Variants in GOLGA4 observed in about 807,000 individuals in gnomAD.
GOLGA4 encodes golgin A4.
GOLGA4 carries 169 observed loss-of-function variants against 265.9 expected under a neutral mutation model. The ratio of observed to expected loss-of-function variants is 0.64; its 90% CI spans 0.56 to 0.72. GOLGA4 has a LOEUF of 0.72. Ranked by LOEUF, GOLGA4 falls within the 30% of genes least tolerant of loss-of-function variation. GOLGA4 has a pLI of 0.00. For synonymous variants in GOLGA4, 923 were observed against 855.8 expected, an observed-to-expected ratio of 1.08 and a Z score of -1.37; for missense variants, 2,482 against 2,483.4, an observed-to-expected ratio of 1.00 and a Z score of 0.01.
intron 2 of GOLGA4, among the ~76,000 whole-genome samples, chr3:37,255,941 A>C (rs1243570831): frequency 1.3e-5 from 2 of 152,076 alleles, no homozygotes; most frequent in African/African-American, 2.4e-5. Flanking sequence ...AACAAACAAA[A>C]AAACACTTAA....
At chr3:37,267,003 A>G (rs2096785547) in intron 2 of GOLGA4, 1 of 679,992 alleles carries the variant, frequency 1.5e-6, no homozygotes, top group Non-Finnish European at 2.3e-6. Flanking sequence ...TGGCAATTGT[A>G]GAAGCAAATC....
Position 37,325,861 on chromosome 3 carries a change from G to C in GOLGA4, c.3975G>C (p.Lys1325Asn). ...SLVTEKEALQ[K>N]EGGNQQQAAS... ...TAACAGAAAAAGAAGCCTTACAGAA[G>C]GAAGGAGGCAATCAGCAACAGGCTG... The change falls in exon 14 of 24, where the codon AAG (lysine) becomes AAC (asparagine). Residue 1325 changes from lysine to asparagine, a missense_variant. Physicochemically the swap from Lys to Asn is moderately conservative, Grantham distance 94. Around this residue, in one of 3 missense-constraint regions of GOLGA4, gnomAD observed 1,536 missense variants for 1,483.7 expected, o/e 1.04. Coordinates refer to ENST00000361924, the MANE Select transcript of GOLGA4 (RefSeq NM_002078.5). 6.2e-7 allele frequency: 1 copy of C among 1,613,674 alleles called. No homozygotes were observed. Among genetic ancestry groups the C allele is most frequent in the Non-Finnish European group, 8.5e-7 (1 of 1,179,732 alleles).
chr3:37,278,080 A>G (rs1226986591), intron 2 of GOLGA4, among the ~76,000 whole-genome samples: 9 of 152,252 alleles, frequency 5.9e-5, no homozygotes, highest in African/African-American at 1.9e-4. Context: ...AGAATAAAAT[A>G]ATCTCACTTT....
At chr3:37,354,547 A>G (rs2097085049) in intron 21 of GOLGA4, among the ~76,000 whole-genome samples, 2 of 152,202 alleles carry the variant, frequency 1.3e-5, no homozygotes, top group South Asian at 2.1e-4. Context: ...GTTTCGATTC[A>G]TCATGTTTTC....
intron 10 of GOLGA4, among the ~76,000 whole-genome samples, chr3:37,304,374 A>G (rs1166444908): frequency 1.3e-5 from 2 of 152,194 alleles, no homozygotes; most frequent in African/African-American, 2.4e-5. Context: ...TGGGGAATTT[A>G]GTTAATGAAT....
At chr3:37,351,752 T>A (rs1314186674) in intron 21 of GOLGA4, among the ~76,000 whole-genome samples, 1 of 152,144 alleles carries the variant, frequency 6.6e-6, no homozygotes, top group Non-Finnish European at 1.5e-5. Flanking sequence ...GCAGTAGGTC[T>A]CAACAGTGGG....
intron 13 of GOLGA4, among the ~76,000 whole-genome samples, chr3:37,322,171 T>C (rs902692500): frequency 6.6e-6 from 1 of 152,156 alleles, no homozygotes. Flanking sequence ...ATACTCACCC[T>C]TGATGTCTAG....
intron 1 of GOLGA4, chr3:37,245,261 T>C (rs2096715832): frequency 6.5e-6 from 1 of 152,678 alleles, no homozygotes; most frequent in African/African-American, 2.4e-5. Context: ...TAATCTCACA[T>C]AAACCTGTGA....
chr3:37,276,064 T>C, intron 2 of GOLGA4: 29 of 1,612,496 alleles, frequency 1.8e-5, no homozygotes, highest in Non-Finnish European at 2.4e-5. Flanking sequence ...ATGCTCGAGA[T>C]ACTTATGTTT....
At chr3:37,337,980 A>G (rs1216073412) in intron 19 of GOLGA4, among the ~76,000 whole-genome samples, 1 of 152,170 alleles carries the variant, frequency 6.6e-6, no homozygotes, top group Non-Finnish European at 1.5e-5. Context: ...GTGATCGTAT[A>G]ATGTATAGTA....
At chr3:37,320,701 C>T (rs1169952373) in intron 12 of GOLGA4, among the ~76,000 whole-genome samples, 5 of 152,160 alleles carry the variant, frequency 3.3e-5, no homozygotes, top group Admixed American at 6.5e-5. Flanking sequence ...CTAAAAATGC[C>T]TGTCATAAGG....
chr3:37,252,876 T>G (rs1560271652), intron 2 of GOLGA4, among the ~76,000 whole-genome samples: 1 of 152,188 alleles, frequency 6.6e-6, no homozygotes, highest in African/African-American at 2.4e-5. Context: ...AGGAGTTTTT[T>G]GTTGAATATA....
intron 5 of GOLGA4, among the ~76,000 whole-genome samples, chr3:37,293,491 A>G (rs918530910): frequency 2.0e-5 from 3 of 152,240 alleles, no homozygotes; most frequent in Non-Finnish European, 4.4e-5. Flanking sequence ...TAGAAAAAGT[A>G]ATAAAAAATA....
intron 10 of GOLGA4, among the ~76,000 whole-genome samples, chr3:37,311,296 A>G (rs1168534508): frequency 1.3e-5 from 2 of 152,202 alleles, no homozygotes; most frequent in East Asian, 1.9e-4. Flanking sequence ...GCCTTTCCCC[A>G]CCACTGTTTT....
chr3:37,296,030 T>C (rs1033352336), intron 6 of GOLGA4, 57 bp from the exon 7 acceptor site: 27 of 1,494,240 alleles, frequency 1.8e-5, no homozygotes, highest in African/African-American at 4.1e-5. Flanking sequence ...CAAGGGACAA[T>C]TGTACTACTC....
intron 23 of GOLGA4, among the ~76,000 whole-genome samples, chr3:37,362,262 A>G (rs1696357441): frequency 7.1e-6 from 1 of 140,966 alleles, no homozygotes; most frequent in Non-Finnish European, 1.5e-5. Context: ...TTTGAGACGG[A>G]GTCTCGCTCT....
At position 37,251,679 on chromosome 3, in the gene GOLGA4, C is replaced by CTGTA. The variant is rs1175881098; in HGVS notation, c.162+211_162+214dup. 7.1e-4 allele frequency among the ~76,000 whole-genome samples: 97 copies of CTGTA among 137,576 alleles called. 1 individual carries two copies. Among genetic ancestry groups the CTGTA allele is most frequent in the Admixed American group, 5.1e-3 (67 of 13,040 alleles). 90.3% of individuals were successfully genotyped at this position (137,576 alleles called of 152,430 possible). On this transcript the variant is annotated intron_variant, in intron 2 of 23. Transcript: ENST00000361924. ...TTATGATTTATGTCTGTCTGTCTGTCTGTATGTATGTATGTATGTTTTTGA... is the reference window on the plus strand; with the variant it reads ...TTATGATTTATGTCTGTCTGTCTGTCTGTATGTATGTATGTATGTATGTTTTTGA...
chr3:37,303,967 T>A (rs1014888330), intron 10 of GOLGA4, among the ~76,000 whole-genome samples: 3 of 152,188 alleles, frequency 2.0e-5, no homozygotes, highest in African/African-American at 7.2e-5. Context: ...GTTAAGTAAT[T>A]TACCTACATT....
chr3:37,314,921 T>G (rs2096933388), intron 10 of GOLGA4, among the ~76,000 whole-genome samples: 1 of 152,208 alleles, frequency 6.6e-6, no homozygotes, highest in African/African-American at 2.4e-5. Context: ...TCTCTGCTCT[T>G]TTATTATATA....
Sources: gnomAD v4.1 joint callset for allele counts (sites outside exome capture counted in the v4.1 genomes callset) on GRCh38, gnomAD v4.1.1 for gene constraint, gnomAD v4.1.1 regional missense constraint, MANE v1.5 for transcripts, NCBI Gene and HGNC (gene_info 2026-07-23, HGNC 2026-07-21) for gene names.